Variants in TRPC3 observed in about 807,000 individuals in gnomAD.
TRPC3 encodes short transient receptor potential channel 3.
TRPC3 carries 54 observed loss-of-function variants against 90.9 expected under a neutral mutation model. That is an observed-to-expected ratio of 0.59 (90% CI 0.48 to 0.75). The LOEUF (loss-of-function observed/expected upper bound fraction) is 0.75, where lower values mean the gene tolerates loss of function less well. Ranked by LOEUF, TRPC3 falls within the 30% of genes least tolerant of loss-of-function variation. The pLI, the probability that TRPC3 is intolerant of heterozygous loss-of-function variation, is 0.00. For missense variants in TRPC3, 918 were observed against 1,194.5 expected (o/e 0.77, Z 3.41); for synonymous variants, 424 against 450.9 (o/e 0.94, Z 0.75).
At chr4:121,906,455 A>C (rs1187786678) in intron 7 of TRPC3, among the ~76,000 whole-genome samples, 2 of 152,092 alleles carry the variant, frequency 1.3e-5, no homozygotes, top group Admixed American at 1.3e-4. Flanking sequence ...CATTACAATA[A>C]AGCAAGTTTC....
intron 10 of TRPC3, among the ~76,000 whole-genome samples, chr4:121,883,248 A>G (rs1728004549): frequency 6.6e-6 from 1 of 152,116 alleles, no homozygotes; most frequent in East Asian, 1.9e-4. Flanking sequence ...TTTTTAAAAA[A>G]ACAAGATTAA....
chr4:121,929,414 C>A (rs561912111), intron 2 of TRPC3, among the ~76,000 whole-genome samples: 1 of 152,078 alleles, frequency 6.6e-6, no homozygotes, highest in Non-Finnish European at 1.5e-5. Flanking sequence ...AAAAAAGGTG[C>A]GTCATTGACT....
At chr4:121,906,913 C>T (rs1225998413) in intron 7 of TRPC3, among the ~76,000 whole-genome samples, 1 of 152,096 alleles carries the variant, frequency 6.6e-6, no homozygotes, top group Non-Finnish European at 1.5e-5. Flanking sequence ...TACTCGACTT[C>T]CTGTACCGAT....
At chr4:121,929,571 T>C (rs1472502317) in intron 2 of TRPC3, among the ~76,000 whole-genome samples, 1 of 152,122 alleles carries the variant, frequency 6.6e-6, no homozygotes, top group Non-Finnish European at 1.5e-5. Flanking sequence ...CATTTGCACA[T>C]CCAAAATATT....
At position 121,932,986 on chromosome 4, in the gene TRPC3, C is replaced by T; in HGVS notation, c.272G>A (p.Arg91Gln). ...RRMTVMREKG[R>Q]RQAVRGPAFM... ...GGCCGGGCCCCTGACAGCCTGGCGC[C>T]GGCCCTTCTCCCGCATCACTGTCAT... Residue 91 changes from arginine (R) to glutamine (Q), a missense_variant, in exon 2 of 12, where the codon CGG becomes CAG. By Grantham distance (43) the Arg-to-Gln change is conservative. This residue lies in a region of TRPC3 where 609 missense variants were observed against 725.9 expected (regional missense o/e 0.84). Transcript: ENST00000379645. The surrounding 1 kb of genome is among the most constrained non-coding windows in gnomAD (Gnocchi z 7.7). The T allele has an allele frequency of 1.2e-6, 2 of 1,609,458 alleles. No homozygotes were observed. Among genetic ancestry groups the T allele is most frequent in the Non-Finnish European group, 1.7e-6 (2 of 1,177,210 alleles).
chr4:121,937,664 T>C (rs910564136), intron 1 of TRPC3, among the ~76,000 whole-genome samples: 1 of 152,206 alleles, frequency 6.6e-6, no homozygotes, highest in Non-Finnish European at 1.5e-5. Flanking sequence ...TTTATGAGGA[T>C]TAAAGTGCCA....
Position 121,933,007 on chromosome 4 carries a change from G to A in TRPC3, c.251C>T (p.Thr84Ile). Residue 84 changes from threonine (T) to isoleucine (I), a missense_variant, in exon 2 of 12, where the codon ACA becomes ATA. Around this residue, in one of 4 missense-constraint regions of TRPC3, gnomAD observed 609 missense variants for 725.9 expected, o/e 0.84. Transcript: ENST00000379645. ...MEGSPSLRRM[T>I]VMREKGRRQA... is the part of the protein sequence containing the mutation. ...GCGCCGGCCCTTCTCCCGCATCACT[G>A]TCATGCGTCTCAGGGATGGGCTTCC... is the stretch of plus-strand genomic sequence containing the variant. The A allele has an allele frequency of 6.2e-7, 1 of 1,601,756 alleles. No homozygotes were observed. Among genetic ancestry groups the A allele is most frequent in the Non-Finnish European group, 8.5e-7 (1 of 1,172,698 alleles).
At position 121,879,734 on chromosome 4, in the gene TRPC3, C is replaced by T. The variant is rs79418555; in HGVS notation, c.*2G>A. ...AGTCAAAGCCAAATCCAGGTTGCTG[C>T]ATCATTCACATCTCAGCATGCTGGG... On this transcript the variant is annotated 3_prime_UTR_variant, in exon 12 of 12. Coordinates refer to ENST00000379645, the MANE Select transcript of TRPC3 (RefSeq NM_001130698.2). 12,870 of 1,605,502 alleles carry T rather than the reference C, an allele frequency of 8.0e-3. 761 individuals carry two copies. In the East Asian group the frequency reaches 0.16, roughly 20 times the overall value.
chr4:121,896,652 A>G (rs1728525267), intron 10 of TRPC3, among the ~76,000 whole-genome samples: 1 of 152,026 alleles, frequency 6.6e-6, no homozygotes, highest in Non-Finnish European at 1.5e-5. Flanking sequence ...GAGGATACAA[A>G]CAAAGGGAAA....
intron 1 of TRPC3, among the ~76,000 whole-genome samples, chr4:121,939,792 AAGTC>A (rs1430639541): frequency 6.6e-6 from 1 of 152,186 alleles, no homozygotes; most frequent in Admixed American, 6.5e-5. Flanking sequence ...TAACAAAAGA[AAGTC>A]AGCCAAGATC....
At position 121,902,929 on chromosome 4, in the gene TRPC3, T is replaced by C. The variant is rs1031627987; in HGVS notation, c.2386A>G (p.Ile796Val). 3.7e-6 allele frequency: 6 copies of C among 1,613,444 alleles called. No individual in the cohort carries two copies. The highest frequency in any genetic ancestry group is 5.1e-6 in the Non-Finnish European group (6 of 1,179,784). The change falls in exon 9 of 12, where the codon ATT becomes GTT. Residue 796 changes from isoleucine (I) to valine (V), a missense_variant. Around this residue, in one of 4 missense-constraint regions of TRPC3, gnomAD observed 121 missense variants for 135.7 expected, o/e 0.89. Transcript: ENST00000379645. Reference protein sequence around the residue: ...PKSFVYFIMRIVNFPKCRRRR... With the variant: ...PKSFVYFIMRVVNFPKCRRRR... ...CTTCTGCATTTGGGAAAGTTAACAA[T>C]TCGCATGATGAAATAAACAAATGAT...
At chr4:121,919,714 G>T (rs1426890772) in intron 3 of TRPC3, among the ~76,000 whole-genome samples, 2 of 152,168 alleles carry the variant, frequency 1.3e-5, no homozygotes, top group African/African-American at 2.4e-5. Context: ...TTATACTGCT[G>T]CATGTTTCTT....
intron 9 of TRPC3, among the ~76,000 whole-genome samples, chr4:121,900,932 G>A (rs188902956): frequency 2.3e-3 from 356 of 152,286 alleles, no homozygotes; most frequent in Non-Finnish European, 3.5e-3. Context: ...TCAATGGTAC[G>A]ATACAGGCAG....
At chr4:121,883,267 A>G (rs765116099) in intron 10 of TRPC3, among the ~76,000 whole-genome samples, 4 of 152,152 alleles carry the variant, frequency 2.6e-5, no homozygotes, top group Non-Finnish European at 5.9e-5. Context: ...AAAACTTCTG[A>G]TTACAATAGA....
At chr4:121,921,853 T>C (rs1729524053) in intron 3 of TRPC3, among the ~76,000 whole-genome samples, 1 of 150,764 alleles carries the variant, frequency 6.6e-6, no homozygotes, top group African/African-American at 2.4e-5. Context: ...TTTCCTCCTG[T>C]GAGAATGAAG....
intron 2 of TRPC3, chr4:121,930,853 A>AC (rs1491261182): frequency 5.3e-6 from 2 of 376,880 alleles, no homozygotes; most frequent in Non-Finnish European, 1.0e-5. Context: ...AAAAAAAAAA[A>AC]CATTTTGGGT....
intron 2 of TRPC3, among the ~76,000 whole-genome samples, chr4:121,925,724 A>G (rs1447848421): frequency 6.6e-6 from 1 of 152,236 alleles, no homozygotes; most frequent in African/African-American, 2.4e-5. Flanking sequence ...GTGAGGTGAC[A>G]GATATGTTAA....
chr4:121,889,946 A>T (rs1728263067), intron 10 of TRPC3, among the ~76,000 whole-genome samples: 1 of 152,204 alleles, frequency 6.6e-6, no homozygotes, highest in Admixed American at 6.6e-5. Context: ...ACAGATAAAG[A>T]AAGTATGGTT....
intron 10 of TRPC3, among the ~76,000 whole-genome samples, chr4:121,885,316 A>C (rs1338079809): frequency 6.6e-6 from 1 of 152,190 alleles, no homozygotes; most frequent in African/African-American, 2.4e-5. Flanking sequence ...GTAATAGGCA[A>C]CAAAGACTCT....
Sources: allele counts gnomAD v4.1 joint callset (sites outside exome capture counted in the v4.1 genomes callset), GRCh38; gene constraint gnomAD v4.1.1; regional missense constraint gnomAD v4.1.1; non-coding constraint Gnocchi (gnomAD v3.1); transcripts MANE v1.5; gene names NCBI Gene and HGNC (gene_info 2026-07-23, HGNC 2026-07-21).